Variants in DSE observed in about 807,000 individuals in gnomAD.
DSE encodes the protein dermatan-sulfate epimerase.
Under a neutral mutation model 84.4 loss-of-function variants are expected in DSE, and 36 were observed. The observed-to-expected ratio is 0.43, with a 90% confidence interval of 0.33 to 0.56. The LOEUF (loss-of-function observed/expected upper bound fraction) is 0.56, where lower values mean the gene tolerates loss of function less well. Among genes scored for constraint, DSE ranks in the 20% least tolerant of loss-of-function variants. DSE has a pLI of 0.06. For missense variants in DSE, 862 were observed against 1,169.6 expected (o/e 0.74, Z 3.84); for synonymous variants, 410 against 430.1 (o/e 0.95, Z 0.58).
At chr6:116,371,338 C>T (rs1779551318) in intron 1 of DSE, among the ~76,000 whole-genome samples, 1 of 152,224 alleles carries the variant, frequency 6.6e-6, no homozygotes, top group African/African-American at 2.4e-5. Flanking sequence ...CACGGGCTTC[C>T]CCGGCGGCGG....
intron 2 of DSE, among the ~76,000 whole-genome samples, chr6:116,267,890 T>G (rs1406422388): frequency 1.3e-5 from 2 of 152,016 alleles, no homozygotes; most frequent in East Asian, 3.9e-4. Context: ...GCCACATACT[T>G]TTAAACCCCC....
In DSE at chr6:116,441,634, A is replaced by G. The variant is rs1235814369; in HGVS notation, c.*4289A>G. The stretch of plus-strand genomic sequence containing the variant: ...CTGGGAAGAGGAGGCCATAATTTTA[A>G]ATGTGGTGATCAGGTTAGGCTTTAT... On this transcript the variant is annotated 3_prime_UTR_variant, in exon 6 of 6. Coordinates refer to ENST00000644252, the MANE Select transcript of DSE (RefSeq NM_013352.4). 1 of 152,186 alleles carries G rather than the reference A, an allele frequency of 6.6e-6. No individual in the cohort carries two copies. The highest frequency in any genetic ancestry group is 1.9e-4 in the East Asian group (1 of 5,196). The allele number at this position is 152,186 out of a possible 1,614,324, so 9.4% of individuals were successfully genotyped here. A position where few individuals can be genotyped will look rare whatever the true frequency, so the allele number is the denominator to read the frequency against.
chr6:116,397,332 G>A (rs986642806), intron 1 of DSE, among the ~76,000 whole-genome samples: 9 of 141,184 alleles, frequency 6.4e-5, no homozygotes, highest in East Asian at 2.0e-4. Flanking sequence ...TCAACCTCCC[G>A]AGTAGATGGG....
rs778733656 is a variant in DSE at position 116,279,519 on chromosome 6, G to A, written c.-54+20552G>A. 5 of 1,608,158 alleles carry A rather than the reference G, an allele frequency of 3.1e-6. No homozygotes were observed. In the South Asian group the frequency reaches 5.5e-5, roughly 18 times the overall value. On this transcript the variant is annotated intron_variant, in intron 2 of 3. Transcript: ENST00000430252. ...CAGAAGCGGCTGCCAGGCCTTCGGC[G>A]GGAGGCTGGCCCTCTTCCTGCCCGG...
At chr6:116,275,948 ACT>A (rs2114624755) in intron 2 of DSE, among the ~76,000 whole-genome samples, 1 of 152,252 alleles carries the variant, frequency 6.6e-6, no homozygotes, top group East Asian at 1.9e-4. Context: ...TTACTGTATC[ACT>A]CTGTTAATTC....
At chr6:116,315,617 G>A (rs983023673) in intron 2 of DSE, among the ~76,000 whole-genome samples, 3 of 152,148 alleles carry the variant, frequency 2.0e-5, no homozygotes, top group African/African-American at 7.2e-5. Context: ...AAAGCACCGT[G>A]TTATACTGAC....
intron 2 of DSE, among the ~76,000 whole-genome samples, chr6:116,308,921 T>C (rs538025632): frequency 1.4e-4 from 21 of 152,292 alleles, no homozygotes; most frequent in Middle Eastern, 3.4e-3. Flanking sequence ...ATAAAAACGG[T>C]ATATAAATTA....
chr6:116,436,652 G>T lies in DSE; in HGVS notation c.2184G>T (p.Lys728Asn). 6.2e-7 allele frequency: 1 copy of T among 1,614,184 alleles called. No homozygotes were observed. The highest frequency in any genetic ancestry group is 8.5e-7 in the Non-Finnish European group (1 of 1,180,030). The change falls in exon 6 of 6, where the codon AAG (lysine) becomes AAT (asparagine). Residue 728 changes from lysine (K) to asparagine (N), a missense_variant. Lys to Asn is a moderately conservative substitution (Grantham distance 94). Transcript: ENST00000644252. ...KILFDRNSAI[K>N]SSIVPEVKDY... Reference sequence around the variant, plus strand: ...TGTTTGACCGGAATTCAGCCATCAAGAGCAGCATTGTCCCTGAGGTGAAGG... The same window carrying T: ...TGTTTGACCGGAATTCAGCCATCAATAGCAGCATTGTCCCTGAGGTGAAGG...
intron 2 of DSE, among the ~76,000 whole-genome samples, chr6:116,346,275 C>G (rs1324395539): frequency 3.3e-5 from 5 of 152,112 alleles, no homozygotes; most frequent in Non-Finnish European, 7.4e-5. Flanking sequence ...TTTATGAGGC[C>G]AGCATCATCC....
chr6:116,320,809 C>A (rs141374388), intron 2 of DSE, among the ~76,000 whole-genome samples: 1 of 152,162 alleles, frequency 6.6e-6, no homozygotes, highest in East Asian at 1.9e-4. Context: ...TCTACCCTAA[C>A]GACCTAATTT....
chr6:116,279,391 C>T, intron 2 of DSE: 1 of 1,613,064 alleles, frequency 6.2e-7, no homozygotes, highest in Non-Finnish European at 8.5e-7. Context: ...AGCCTCCGCC[C>T]CCGCCGTCAG....
At chr6:116,309,483 T>G (rs950223608) in intron 2 of DSE, among the ~76,000 whole-genome samples, 1 of 152,248 alleles carries the variant, frequency 6.6e-6, no homozygotes, top group African/African-American at 2.4e-5. Flanking sequence ...TATGTATTAG[T>G]AGATATATCT....
chr6:116,326,179 C>T (rs1164878687), intron 2 of DSE, among the ~76,000 whole-genome samples: 1 of 151,980 alleles, frequency 6.6e-6, no homozygotes, highest in Non-Finnish European at 1.5e-5. Flanking sequence ...AGAAATTGGG[C>T]ATAAGACAAT....
chr6:116,260,133 A>G (rs1772349047), intron 2 of DSE, among the ~76,000 whole-genome samples: 2 of 152,066 alleles, frequency 1.3e-5, no homozygotes, highest in Admixed American at 6.5e-5. Flanking sequence ...CTTCTTCTCC[A>G]CAACCTCGCC....
At chr6:116,315,885 G>A (rs921482272) in intron 2 of DSE, among the ~76,000 whole-genome samples, 1 of 152,054 alleles carries the variant, frequency 6.6e-6, no homozygotes, top group Non-Finnish European at 1.5e-5. Flanking sequence ...AGCTACTCAG[G>A]AAGCTGAGGC....
At chr6:116,286,787 C>CA (rs1358110267) in intron 2 of DSE, among the ~76,000 whole-genome samples, 2 of 152,044 alleles carry the variant, frequency 1.3e-5, no homozygotes, top group Non-Finnish European at 2.9e-5. Flanking sequence ...ATTCAAATAC[C>CA]ATGGTGATGA....
At chr6:116,398,863 G>T (rs1048107052) in intron 1 of DSE, among the ~76,000 whole-genome samples, 31 of 152,102 alleles carry the variant, frequency 2.0e-4, no homozygotes, top group African/African-American at 7.5e-4. Flanking sequence ...ATGTATTAAT[G>T]TCTAAAAAAA....
chr6:116,283,534 T>C (rs909688450), intron 2 of DSE, among the ~76,000 whole-genome samples: 3 of 146,772 alleles, frequency 2.0e-5, no homozygotes, highest in Non-Finnish European at 4.5e-5. Context: ...TCTTTGTTGT[T>C]GTTGTTGTTG....
intron 2 of DSE, among the ~76,000 whole-genome samples, chr6:116,301,564 T>G (rs1775042889): frequency 1.3e-5 from 2 of 152,246 alleles, no homozygotes; most frequent in Non-Finnish European, 2.9e-5. Flanking sequence ...AGTGATCTGC[T>G]GAGTAGTATC....
Sources: gnomAD v4.1 joint callset for allele counts (sites outside exome capture counted in the v4.1 genomes callset) on GRCh38, gnomAD v4.1.1 for gene constraint, MANE v1.5 for transcripts, NCBI Gene and HGNC (gene_info 2026-07-23, HGNC 2026-07-21) for gene names.